Variants in GPC6 observed in about 807,000 individuals in gnomAD.
GPC6 encodes the protein glypican 6.
Under a neutral mutation model 55.2 loss-of-function variants are expected in GPC6, and 14 were observed. The observed-to-expected ratio is 0.25, with a 90% CI of 0.17 to 0.40. The LOEUF (loss-of-function observed/expected upper bound fraction) is 0.40, where lower values mean the gene tolerates loss of function less well. Ranked by LOEUF, GPC6 falls within the 10% of genes least tolerant of loss-of-function variation. The pLI is 1.00. For synonymous variants in GPC6, 278 were observed against 259.6 expected, an observed-to-expected ratio of 1.07 and a Z score of -0.68; for missense variants, 641 against 708.5, an observed-to-expected ratio of 0.90 and a Z score of 1.08.
At chr13:93,310,302 A>G (rs1255110326) in intron 1 of GPC6, among the ~76,000 whole-genome samples, 1 of 152,202 alleles carries the variant, frequency 6.6e-6, no homozygotes, top group Non-Finnish European at 1.5e-5. Context: ...TTTCCAGTCA[A>G]GAAACTCCAC....
In GPC6 at chr13:93,772,570, G is replaced by A. The variant is rs552222733; in HGVS notation, c.320-57584G>A. 3.9e-5 allele frequency among the ~76,000 whole-genome samples: 6 copies of A among 152,122 alleles called. No individual in the cohort carries two copies. In the South Asian group the frequency reaches 1.2e-3, roughly 32 times the overall value. On this transcript the variant is annotated intron_variant, in intron 2 of 8. Transcript: ENST00000377047. ...GTGTACTTCAGAAATATTAAAAGGC[G>A]ATATATACACAAGGAAGAGAAACAA...
intron 4 of GPC6, among the ~76,000 whole-genome samples, chr13:94,228,291 G>A (rs1016056467): frequency 2.6e-5 from 4 of 151,838 alleles, no homozygotes; most frequent in African/African-American, 9.7e-5. Flanking sequence ...AAATGAGGAG[G>A]TCCCTTATGA....
intron 4 of GPC6, among the ~76,000 whole-genome samples, chr13:94,272,738 G>A (rs1488282151): frequency 6.6e-6 from 1 of 151,998 alleles, no homozygotes; most frequent in South Asian, 2.1e-4. Context: ...AAAGTGCTGG[G>A]ATTACAGGCA....
At chr13:93,966,951 G>A (rs561034635) in intron 3 of GPC6, among the ~76,000 whole-genome samples, 16 of 152,158 alleles carry the variant, frequency 1.1e-4, no homozygotes, top group Non-Finnish European at 1.9e-4. Context: ...CACTGCACCC[G>A]ACATGTTTCA....
rs189770597 is a variant in GPC6 at position 94,186,423 on chromosome 13, A to G, written c.878-99926A>G. Among the ~76,000 whole-genome samples the G allele has an allele frequency of 2.7e-3, 409 of 152,308 alleles. 1 individual carries two copies. The highest frequency in any genetic ancestry group is 9.2e-3 in the African/African-American group (383 of 41,552). On this transcript the variant is annotated intron_variant, in intron 4 of 8. Transcript: ENST00000377047. Reference sequence around the variant, plus strand: ...TCGTATCATTGTCTTACCTTTACCAAGATTTTTCAACCATTCTACTTCACC... The same window carrying G: ...TCGTATCATTGTCTTACCTTTACCAGGATTTTTCAACCATTCTACTTCACC...
intron 4 of GPC6, among the ~76,000 whole-genome samples, chr13:94,256,688 C>T (rs1157691166): frequency 1.3e-5 from 2 of 152,110 alleles, no homozygotes. Flanking sequence ...AGGATTTAAC[C>T]TCAAGGGTCT....
At chr13:93,789,602 T>TATATATATATATATAATACTAC (rs1885944834) in intron 2 of GPC6, among the ~76,000 whole-genome samples, 2 of 15,412 alleles carry the variant, frequency 1.3e-4, no homozygotes, top group Admixed American at 8.2e-4. Context: ...ATACTACATA[T>TATATATATATATATAATACTAC]ATATATATAT....
Position 93,537,093 on chromosome 13 carries a change from A to G in GPC6, c.161-8170A>G, listed in dbSNP as rs145526425. On this transcript the variant is annotated intron_variant, in intron 1 of 8. Transcript: ENST00000377047. Reference sequence around the variant, plus strand: ...GACTTTGTGATGTGAAAGTTTCCTGAAGACACCTCCATCACCCGCGCCCCA... The same window carrying G: ...GACTTTGTGATGTGAAAGTTTCCTGGAGACACCTCCATCACCCGCGCCCCA... 1.7e-3 allele frequency among the ~76,000 whole-genome samples: 260 copies of G among 152,240 alleles called. 1 individual carries two copies. Among genetic ancestry groups the G allele is most frequent in the African/African-American group, 6.1e-3 (253 of 41,534 alleles).
intron 3 of GPC6, among the ~76,000 whole-genome samples, chr13:93,914,468 C>G (rs1052769674): frequency 6.6e-6 from 1 of 152,132 alleles, no homozygotes; most frequent in African/African-American, 2.4e-5. Flanking sequence ...AGAACAGAAA[C>G]GGCATTGCTC....
At chr13:94,241,362 G>T (rs71429547) in intron 4 of GPC6, among the ~76,000 whole-genome samples, 5 of 152,092 alleles carry the variant, frequency 3.3e-5, no homozygotes, top group Non-Finnish European at 4.4e-5. Flanking sequence ...GGCTTTTTTT[G>T]GAATCTGAAA....
At chr13:94,238,043 C>T (rs935142845) in intron 4 of GPC6, among the ~76,000 whole-genome samples, 1 of 152,056 alleles carries the variant, frequency 6.6e-6, no homozygotes, top group Non-Finnish European at 1.5e-5. Flanking sequence ...GATGGATTTC[C>T]TGTGAAGGTT....
chr13:93,471,825 C>A (rs965195051), intron 1 of GPC6, among the ~76,000 whole-genome samples: 2 of 152,130 alleles, frequency 1.3e-5, no homozygotes, highest in Non-Finnish European at 1.5e-5. Flanking sequence ...ATTCCAGATG[C>A]ATGTGCATAG....
At chr13:93,412,823 C>T (rs1306823280) in intron 1 of GPC6, among the ~76,000 whole-genome samples, 3 of 152,166 alleles carry the variant, frequency 2.0e-5, no homozygotes, top group African/African-American at 7.2e-5. Flanking sequence ...ACAGTGGCAG[C>T]ACCAGTCAGG....
At chr13:94,115,257 C>T (rs945656430) in intron 4 of GPC6, among the ~76,000 whole-genome samples, 1 of 151,978 alleles carries the variant, frequency 6.6e-6, no homozygotes, top group Non-Finnish European at 1.5e-5. Flanking sequence ...CTCCAGGGGG[C>T]CATTTAGCTA....
chr13:93,832,129 A>ATATATG (rs1887539088), intron 3 of GPC6, among the ~76,000 whole-genome samples: 1 of 110,988 alleles, frequency 9.0e-6, no homozygotes, highest in African/African-American at 3.5e-5. Flanking sequence ...AAAAATATAT[A>ATATATG]TATATATATA....
intron 4 of GPC6, among the ~76,000 whole-genome samples, chr13:94,101,361 A>T (rs142239252): frequency 0.014 from 2,205 of 152,304 alleles, 30 homozygotes; most frequent in Non-Finnish European, 0.019. Context: ...CTGAAAAATG[A>T]AGCCTCTCTG....
intron 1 of GPC6, among the ~76,000 whole-genome samples, chr13:93,527,011 G>A (rs1386563570): frequency 6.6e-6 from 1 of 151,886 alleles, no homozygotes; most frequent in Non-Finnish European, 1.5e-5. Context: ...TGTGCCCTAA[G>A]CATTGTGTTT....
chr13:94,333,907 G>A (rs1210984820), intron 6 of GPC6, among the ~76,000 whole-genome samples: 3 of 152,174 alleles, frequency 2.0e-5, no homozygotes, highest in South Asian at 2.1e-4. Context: ...TATTAAGATG[G>A]TGGGAAAGGA....
In GPC6 at chr13:93,899,720, G is replaced by A. The variant is rs187508493; in HGVS notation, c.711+69175G>A. ...TACCATAATAAAAAGGCCTGAAGAG[G>A]TTATTTCGCATTTGATCCAAAACAA... On this transcript the variant is annotated intron_variant, in intron 3 of 8. Coordinates refer to ENST00000377047, the MANE Select transcript of GPC6 (RefSeq NM_005708.5). 1.3e-4 allele frequency among the ~76,000 whole-genome samples: 19 copies of A among 151,804 alleles called. No individual in the cohort carries two copies. The East Asian group carries it at 3.1e-3, about 25-fold the overall frequency.
Sources: gnomAD v4.1 joint callset for allele counts (sites outside exome capture counted in the v4.1 genomes callset) on GRCh38, gnomAD v4.1.1 for gene constraint, MANE v1.5 for transcripts, NCBI Gene and HGNC (gene_info 2026-07-23, HGNC 2026-07-21) for gene names.